The following CFAP161 variants were observed in gnomAD, a reference collection of about 807,000 sequenced individuals.
The protein encoded by CFAP161 is cilia- and flagella-associated protein 161.
Under a neutral mutation model 29.0 loss-of-function variants are expected in CFAP161, and 25 were observed. The observed-to-expected ratio is 0.86, with a 90% CI of 0.63 to 1.20. CFAP161 has a LOEUF of 1.20. Among genes scored for constraint, CFAP161 ranks in the 50% most tolerant of loss-of-function variants. CFAP161 has a pLI of 0.00. For missense variants in CFAP161, 367 were observed against 371.9 expected (o/e 0.99, Z 0.11); for synonymous variants, 116 against 137.4 (o/e 0.84, Z 1.09).
At chr15:81,126,855 T>A (rs79562224) in intron 1 of CFAP161, among the ~76,000 whole-genome samples, 16 of 152,346 alleles carry the variant, frequency 1.1e-4, no homozygotes, top group African/African-American at 3.4e-4. Flanking sequence ...AAATCTTTGC[T>A]TGAATGCCAT....
In CFAP161 at chr15:81,148,762, T is replaced by C; in HGVS notation, c.*229T>C. ...ATTAGTATTTGAAAGTGACAAACAA[T>C]AGCCTTTTGTTGATAAACAAATTCT... On this transcript the variant is annotated 3_prime_UTR_variant, in exon 7 of 7. Transcript: ENST00000286732. 1 of 388,356 alleles carries C rather than the reference T, an allele frequency of 2.6e-6. No individual in the cohort carries two copies. Among genetic ancestry groups the C allele is most frequent in the Non-Finnish European group, 4.6e-6 (1 of 219,190 alleles). The allele number at this position is 388,356 out of a possible 1,614,324, so 24.1% of individuals were successfully genotyped here. A position where few individuals can be genotyped will look rare whatever the true frequency, so the allele number is the denominator to read the frequency against.
At chr15:81,145,183 C>T (rs1894986770) in intron 5 of CFAP161, among the ~76,000 whole-genome samples, 1 of 152,232 alleles carries the variant, frequency 6.6e-6, no homozygotes, top group Non-Finnish European at 1.5e-5. Context: ...GCATGCCTGT[C>T]CCTCACCTCT....
chr15:81,133,213 ATATATATATATGTATT>A (rs1337882550), upstream of CFAP161, among the ~76,000 whole-genome samples: 110 of 36,134 alleles, frequency 3.0e-3, 4 homozygotes, highest in Middle Eastern at 0.024. Context: ...ATATATATAT[ATATATATATATGTATT>A]TTTTTTTAAA....
intron 1 of CFAP161, among the ~76,000 whole-genome samples, chr15:81,111,990 G>T (rs1325183810): frequency 6.6e-6 from 1 of 152,168 alleles, no homozygotes; most frequent in Non-Finnish European, 1.5e-5. Flanking sequence ...CTGCAATCAA[G>T]AAACCTATTT....
chr15:81,136,751 A>G lies in CFAP161; in HGVS notation c.392+3A>G, dbSNP rs753877234. On this transcript the variant is annotated splice_donor_region_variant and intron_variant, in intron 3 of 6. Transcript: ENST00000286732. ...AGAAACACTTTTATCATTTTGAGGT[A>G]AAGAGACTTTAATTTTCAGTTCATT... 8.1e-6 allele frequency: 13 copies of G among 1,604,522 alleles called. No homozygotes were observed. Among genetic ancestry groups the G allele is most frequent in the East Asian group, 4.5e-5 (2 of 44,794 alleles).
rs1555448610 is a variant in CFAP161 at position 81,105,163 on chromosome 15, T to TTCCGTCCCTC, written c.-141-22427_-141-22426insTCCGTCCCTC. Reference sequence around the variant, plus strand: ...CCCCTCCCTCCCTCCCTCCCTCCCTTCCTTCCTCCCTCCCTTCCTTTTTTC... The same window carrying TTCCGTCCCTC: ...CCCCTCCCTCCCTCCCTCCCTCCCTTTCCGTCCCTCCCTTCCTCCCTCCCTTCCTTTTTTC... On this transcript the variant is annotated intron_variant, in intron 1 of 4. Transcript: ENST00000560091. Among the ~76,000 whole-genome samples the TTCCGTCCCTC allele has an allele frequency of 3.0e-3, 101 of 33,128 alleles. 5 individuals carry two copies. Among genetic ancestry groups the TTCCGTCCCTC allele is most frequent in the African/African-American group, 0.011 (56 of 5,218 alleles). 21.7% of individuals were successfully genotyped at this position (33,128 alleles called of 152,430 possible). A position where few individuals can be genotyped will look rare whatever the true frequency, so the allele number is the denominator to read the frequency against.
chr15:81,143,876 A>C (rs1894959848), intron 5 of CFAP161, 56 bp downstream of exon 5: 4 of 1,564,118 alleles, frequency 2.6e-6, no homozygotes, highest in Non-Finnish European at 3.5e-6. Flanking sequence ...GATGCAATTT[A>C]TTCCTGTCTA....
At chr15:81,118,439 C>T in intron 1 of CFAP161, 1 of 198,226 alleles carries the variant, frequency 5.0e-6, no homozygotes, top group Non-Finnish European at 1.0e-5. Flanking sequence ...TTAACCACAG[C>T]CACCTGAGGG....
Position 81,148,347 on chromosome 15 carries a change from T to C in CFAP161, c.720T>C (p.Phe240=). 6.2e-7 allele frequency: 1 copy of C among 1,609,716 alleles called. No homozygotes were observed. Among genetic ancestry groups the C allele is most frequent in the South Asian group, 1.1e-5 (1 of 90,964 alleles). Residue 240 remains phenylalanine (F), a synonymous_variant, in exon 7 of 7, where the codon TTT becomes TTC. Coordinates refer to ENST00000286732, the MANE Select transcript of CFAP161 (RefSeq NM_173528.4). ...TTCTCTCTTGCTCCAGCACCTATTT[T>C]GGAAAGGAGGCTGAGGTTGTAGCTC... The part of the protein sequence containing the change: ...AHRHLFLSTY[F]GKEAEVVAHT...
intron 1 of CFAP161, among the ~76,000 whole-genome samples, chr15:81,122,420 A>T (rs1475984067): frequency 6.6e-6 from 1 of 151,156 alleles, no homozygotes; most frequent in Admixed American, 6.6e-5. Context: ...CTGGTATGAG[A>T]TGGTATCTCA....
chr15:81,142,827 A>G (rs1003924194), intron 4 of CFAP161, among the ~76,000 whole-genome samples: 1 of 152,132 alleles, frequency 6.6e-6, no homozygotes, highest in South Asian at 2.1e-4. Flanking sequence ...TTTCAGCAGG[A>G]TGGGGGTTGT....
At chr15:81,133,227 A>ATATT (rs1567156509), upstream of CFAP161, among the ~76,000 whole-genome samples, 6 of 50,390 alleles carry the variant, frequency 1.2e-4, no homozygotes, top group Non-Finnish European at 2.1e-4. Flanking sequence ...ATATATATGT[A>ATATT]TTTTTTTTTA....
intron 5 of CFAP161, among the ~76,000 whole-genome samples, chr15:81,145,274 CA>C (rs1370307152): frequency 1.3e-5 from 2 of 152,192 alleles, no homozygotes; most frequent in African/African-American, 4.8e-5. Flanking sequence ...ACAGGCTTTA[CA>C]AATTATTCTC....
Position 81,147,992 on chromosome 15 carries a change from C to T in CFAP161, c.710+61C>T, listed in dbSNP as rs1002018159. 1.8e-5 allele frequency: 24 copies of T among 1,324,480 alleles called. No individual in the cohort carries two copies. In the African/African-American group the frequency reaches 2.8e-4, roughly 16 times the overall value. 82.0% of individuals were successfully genotyped at this position (1,324,480 alleles called of 1,614,324 possible). ...TGGGGCTGGGGGCCATGAATATAAG[C>T]AAAGAAGCTCAATTGATAGTGTATG... On this transcript the variant is annotated intron_variant, in intron 6 of 6. Transcript: ENST00000286732.
chr15:81,109,672 C>T (rs1161246759), intron 1 of CFAP161, among the ~76,000 whole-genome samples: 1 of 152,064 alleles, frequency 6.6e-6, no homozygotes, highest in Non-Finnish European at 1.5e-5. Flanking sequence ...CCATGGCACC[C>T]CAACCTAGAT....
chr15:81,109,846 G>A (rs2141862600), intron 1 of CFAP161, among the ~76,000 whole-genome samples: 1 of 152,196 alleles, frequency 6.6e-6, no homozygotes, highest in Middle Eastern at 3.4e-3. Context: ...TACCACTGCA[G>A]GCTTCATCTT....
In CFAP161 at chr15:81,143,743, G is replaced by A. The variant is rs376417842; in HGVS notation, c.559G>A (p.Val187Ile). Residue 187 changes from valine to isoleucine, a missense_variant, in exon 5 of 7, where the codon GTC (valine) becomes ATC (isoleucine). Val to Ile is a conservative substitution (Grantham distance 29). Coordinates refer to ENST00000286732, the MANE Select transcript of CFAP161 (RefSeq NM_173528.4). ...CCAGGAAGTGTACCTAACAGATGAG[G>A]TCTCCCATGTGAACTGCTGGCAGGC... ...WLQEVYLTDE[V>I]SHVNCWQAAF... 7 of 1,614,134 alleles carry A rather than the reference G, an allele frequency of 4.3e-6. No homozygotes were observed. The highest frequency in any genetic ancestry group is 5.9e-6 in the Non-Finnish European group (7 of 1,180,014).
intron 1 of CFAP161, among the ~76,000 whole-genome samples, chr15:81,125,904 C>T (rs542331655): frequency 6.6e-6 from 1 of 152,310 alleles, no homozygotes; most frequent in East Asian, 1.9e-4. Context: ...GAGTCTCGCT[C>T]TGTTGCCTAG....
chr15:81,121,566 A>T (rs1175376770), intron 1 of CFAP161, among the ~76,000 whole-genome samples: 1 of 151,950 alleles, frequency 6.6e-6, no homozygotes, highest in Non-Finnish European at 1.5e-5. Context: ...TATATATATT[A>T]ATTAGAATGT....
Sources: allele counts gnomAD v4.1 joint callset (sites outside exome capture counted in the v4.1 genomes callset), GRCh38; gene constraint gnomAD v4.1.1; transcripts MANE v1.5; gene names NCBI Gene and HGNC (gene_info 2026-07-23, HGNC 2026-07-21).